The following ST3GAL4 variants were observed in gnomAD, a reference collection of about 807,000 sequenced individuals.
ST3GAL4 encodes the protein ST3 beta-galactoside alpha-2,3-sialyltransferase 4, also known as CMP-N-acetylneuraminate-beta-galactosamide-alpha-2,3-sialyltransferase 4.
In ST3GAL4, 24 loss-of-function variants were observed where a neutral mutation model predicts 42.6. That is an observed-to-expected ratio of 0.56 (90% CI 0.41 to 0.79). The LOEUF is 0.79. Ranked by LOEUF, ST3GAL4 falls within the 30% of genes least tolerant of loss-of-function variation. The pLI is 0.00. For missense variants in ST3GAL4, 311 were observed against 430.8 expected (o/e 0.72, Z 2.46); for synonymous variants, 135 against 163.2 (o/e 0.83, Z 1.32).
chr11:126,409,394 C>A lies in ST3GAL4; in HGVS notation c.754C>A (p.Pro252Thr). 6.2e-7 allele frequency: 1 copy of A among 1,614,206 alleles called. No individual in the cohort carries two copies. The highest frequency in any genetic ancestry group is 8.5e-7 in the Non-Finnish European group (1 of 1,180,048). The stretch of plus-strand genomic sequence containing the variant: ...ACTGCTGAGCCTGCCAATGCAACAG[C>A]CACGGAAGATTAAGCAGGTGATGAT... ...DKLLSLPMQQ[P>T]RKIKQKPTTG... The change falls in exon 9 of 11, where the codon CCA becomes ACA. Residue 252 changes from proline to threonine, a missense_variant. Coordinates refer to ENST00000444328, the MANE Select transcript of ST3GAL4 (RefSeq NM_001254757.2). The surrounding 1 kb of genome is among the most constrained non-coding windows in gnomAD (Gnocchi z 4.9).
At chr11:126,381,806 A>T (rs564957215) in intron 1 of ST3GAL4, among the ~76,000 whole-genome samples, 39 of 151,794 alleles carry the variant, frequency 2.6e-4, no homozygotes, top group African/African-American at 8.5e-4. Context: ...TAACTGAATA[A>T]ATGCCATTAA....
intron 1 of ST3GAL4, among the ~76,000 whole-genome samples, chr11:126,362,005 C>T (rs1168368944): frequency 1.3e-5 from 2 of 150,440 alleles, no homozygotes; most frequent in Non-Finnish European, 3.0e-5. Context: ...CCTCAGCCTC[C>T]CAAGTAGCTG....
chr11:126,393,039 CA>C lies in ST3GAL4; in HGVS notation c.-60-13056del, dbSNP rs1953578304. 6.7e-6 allele frequency among the ~76,000 whole-genome samples: 1 copy of C among 150,356 alleles called. No individual in the cohort carries two copies. Among genetic ancestry groups the C allele is most frequent in the Non-Finnish European group, 1.5e-5 (1 of 67,866 alleles). On this transcript the variant is annotated intron_variant, in intron 1 of 10. Coordinates refer to ENST00000444328, the MANE Select transcript of ST3GAL4 (RefSeq NM_001254757.2). The surrounding 1 kb of genome is among the most constrained non-coding windows in gnomAD (Gnocchi z 5.9). ...TACTGCAGCCTCGATCTCCTGGACT[CA>C]GGGGGTCCTCCTGTCTCAGCCTCCC... is the stretch of plus-strand genomic sequence containing the variant.
chr11:126,388,034 C>T (rs1173809839), intron 1 of ST3GAL4, among the ~76,000 whole-genome samples: 2 of 152,318 alleles, frequency 1.3e-5, no homozygotes, highest in East Asian at 1.9e-4. Context: ...CCATCTTAAC[C>T]CCTAGAAAAA....
chr11:126,404,240 C>T (rs975846676), intron 1 of ST3GAL4, among the ~76,000 whole-genome samples: 7 of 152,152 alleles, frequency 4.6e-5, no homozygotes, highest in African/African-American at 1.7e-4. Context: ...TCTGGGATGC[C>T]CATGGGACTG....
intron 1 of ST3GAL4, among the ~76,000 whole-genome samples, chr11:126,404,587 G>A (rs1291523451): frequency 1.3e-5 from 2 of 152,206 alleles, no homozygotes; most frequent in Non-Finnish European, 1.5e-5. Flanking sequence ...GTGGGGTGAG[G>A]GGTAGGTAAG....
chr11:126,362,188 T>G (rs1250195875), intron 1 of ST3GAL4, among the ~76,000 whole-genome samples: 3 of 145,350 alleles, frequency 2.1e-5, no homozygotes, highest in Non-Finnish European at 4.5e-5. Flanking sequence ...GGCCAACATT[T>G]CTTCCTTTTT....
chr11:126,363,014 C>G lies in ST3GAL4; in HGVS notation c.-61+7172C>G, dbSNP rs1212096861. On this transcript the variant is annotated intron_variant, in intron 1 of 10. Coordinates refer to ENST00000444328, the MANE Select transcript of ST3GAL4 (RefSeq NM_001254757.2). The surrounding 1 kb of genome is among the most constrained non-coding windows in gnomAD (Gnocchi z 4.6). Reference sequence around the variant, plus strand: ...CTCCAGCCCCTACCTTATGCCTGGCCCATTCAGCTGGTCTGTTCTCCAGGC... The same window carrying G: ...CTCCAGCCCCTACCTTATGCCTGGCGCATTCAGCTGGTCTGTTCTCCAGGC... Among the ~76,000 whole-genome samples, 1 of 152,226 alleles carries G rather than the reference C, an allele frequency of 6.6e-6. No homozygotes were observed. Among genetic ancestry groups the G allele is most frequent in the Non-Finnish European group, 1.5e-5 (1 of 68,042 alleles).
rs889318333 is a variant in ST3GAL4 at position 126,383,616 on chromosome 11, C to T, written c.-60-22480C>T. On this transcript the variant is annotated intron_variant, in intron 1 of 10. Transcript: ENST00000444328. This position sits in a 1 kb window ranked among gnomAD's most constrained non-coding sequence, Gnocchi z 4.5. Reference sequence around the variant, plus strand: ...GTGTGTGTGTGACCAAGCTTGCGGGCGCCTGAGTATGGACTAGTGTGTTTG... The same window carrying T: ...GTGTGTGTGTGACCAAGCTTGCGGGTGCCTGAGTATGGACTAGTGTGTTTG... Among the ~76,000 whole-genome samples the T allele has an allele frequency of 4.6e-5, 7 of 152,028 alleles. No individual in the cohort carries two copies. Among genetic ancestry groups the T allele is most frequent in the Admixed American group, 2.0e-4 (3 of 15,262 alleles).
In ST3GAL4 at chr11:126,384,934, C is replaced by T. The variant is rs915451478; in HGVS notation, c.-60-21162C>T. 672 of 984,556 alleles carry T rather than the reference C, an allele frequency of 6.8e-4. 3 individuals carry two copies. The highest frequency in any genetic ancestry group is 7.5e-4 in the Non-Finnish European group (619 of 829,192). 61.0% of individuals were successfully genotyped at this position (984,556 alleles called of 1,614,324 possible). On this transcript the variant is annotated intron_variant, in intron 1 of 10. Transcript: ENST00000444328. The surrounding 1 kb of genome is among the most constrained non-coding windows in gnomAD (Gnocchi z 5.5). ...GGACAGAGCTTGAATGGAGAGGGGC[C>T]GCCTTGTGCCTGGGAAGGGAGGACC... is the stretch of plus-strand genomic sequence containing the variant.
At chr11:126,356,946 G>T (rs1365478117) in intron 1 of ST3GAL4, among the ~76,000 whole-genome samples, 1 of 152,204 alleles carries the variant, frequency 6.6e-6, no homozygotes, top group East Asian at 1.9e-4. Context: ...CCTGGCATCT[G>T]CCAGGGGGAT....
At position 126,373,073 on chromosome 11, in the gene ST3GAL4, A is replaced by G. The variant is rs1298772360; in HGVS notation, c.-61+17231A>G. The stretch of plus-strand genomic sequence containing the variant: ...TTGTTGATTACATGCACTGTACCTG[A>G]CTTGTTTAAAGCCTGATGTCTTGAG... On this transcript the variant is annotated intron_variant, in intron 1 of 10. Coordinates refer to ENST00000444328, the MANE Select transcript of ST3GAL4 (RefSeq NM_001254757.2). The surrounding 1 kb of genome is among the most constrained non-coding windows in gnomAD (Gnocchi z 5.5). Among the ~76,000 whole-genome samples, 2 of 152,152 alleles carry G rather than the reference A, an allele frequency of 1.3e-5. No homozygotes were observed. Among genetic ancestry groups the G allele is most frequent in the African/African-American group, 4.8e-5 (2 of 41,434 alleles).
rs748606910 is a variant in ST3GAL4, at chr11:126,406,197, A to G, written c.16+26A>G. 1.9e-6 allele frequency: 3 copies of G among 1,556,156 alleles called. No individual in the cohort carries two copies. In the South Asian group the frequency reaches 3.6e-5, roughly 18 times the overall value. ...GTGAGTGTCATCCGAGGGCTCCCCC[A>G]CCCTGGAGGACAGGCCTCAGAAGCC... On this transcript the variant is annotated intron_variant, in intron 2 of 10. Coordinates refer to ENST00000444328, the MANE Select transcript of ST3GAL4 (RefSeq NM_001254757.2). This position sits in a 1 kb window ranked among gnomAD's most constrained non-coding sequence, Gnocchi z 5.4.
chr11:126,402,893 C>T (rs184085566), intron 1 of ST3GAL4, among the ~76,000 whole-genome samples: 4 of 152,286 alleles, frequency 2.6e-5, no homozygotes, highest in Middle Eastern at 3.4e-3. Context: ...TCTTCCTACC[C>T]GGGGGCACCT....
chr11:126,390,973 C>T (rs796106431), intron 1 of ST3GAL4, among the ~76,000 whole-genome samples: 4 of 152,328 alleles, frequency 2.6e-5, no homozygotes, highest in Non-Finnish European at 2.9e-5. Flanking sequence ...TATTTCACTT[C>T]GCGTAGTACC....
In ST3GAL4 at chr11:126,408,398, C is replaced by A. The variant is rs1446808112; in HGVS notation, c.529C>A (p.Pro177Thr). The change falls in exon 8 of 11, where the codon CCC (proline) becomes ACC (threonine). Residue 177 changes from proline (P) to threonine (T), a missense_variant. By Grantham distance (38) the Pro-to-Thr change is conservative. Coordinates refer to ENST00000444328, the MANE Select transcript of ST3GAL4 (RefSeq NM_001254757.2). ...CTACCCTGAATCTGCCCACTTCGAC[C>A]CCAAAGTAGAAAACAACCCAGACAC... is the stretch of plus-strand genomic sequence containing the variant. ...LFYPESAHFD[P>T]KVENNPDTLL... 1.9e-6 allele frequency: 3 copies of A among 1,614,212 alleles called. No individual in the cohort carries two copies. Among genetic ancestry groups the A allele is most frequent in the Non-Finnish European group, 2.5e-6 (3 of 1,180,040 alleles).
chr11:126,374,713 G>A (rs1197824170), intron 1 of ST3GAL4, among the ~76,000 whole-genome samples: 6 of 152,128 alleles, frequency 3.9e-5, no homozygotes, highest in African/African-American at 1.2e-4. Context: ...GCAAGGACCC[G>A]GGCTCTCCCC....
intron 1 of ST3GAL4, among the ~76,000 whole-genome samples, chr11:126,394,674 C>T (rs1190284355): frequency 6.6e-6 from 1 of 152,130 alleles, no homozygotes; most frequent in South Asian, 2.1e-4. Flanking sequence ...ATCTGCCCTC[C>T]TCGGCCTCTC....
At chr11:126,388,658 T>TA (rs1953331357) in intron 1 of ST3GAL4, among the ~76,000 whole-genome samples, 1 of 113,470 alleles carries the variant, frequency 8.8e-6, no homozygotes, top group African/African-American at 3.2e-5. Flanking sequence ...ATTAGGTTTC[T>TA]TGTTTTTTTT....
Sources: allele counts gnomAD v4.1 joint callset (sites outside exome capture counted in the v4.1 genomes callset), GRCh38; gene constraint gnomAD v4.1.1; non-coding constraint Gnocchi (gnomAD v3.1); transcripts MANE v1.5; gene names NCBI Gene and HGNC (gene_info 2026-07-23, HGNC 2026-07-21).